Variants in ZNF254 observed in about 807,000 individuals in gnomAD.
ZNF254 encodes the protein CTD-2017D11.1.
Under a neutral mutation model 12.4 loss-of-function variants are expected in ZNF254, and 10 were observed. That is an observed-to-expected ratio of 0.80 (90% CI 0.50 to 1.36). The LOEUF (loss-of-function observed/expected upper bound fraction) is 1.36. Among genes scored for constraint, ZNF254 ranks in the 40% most tolerant of loss-of-function variants. The pLI is 0.00. For missense variants in ZNF254, 996 were observed against 763.9 expected, an observed-to-expected ratio of 1.30 and a Z score of -3.58; for synonymous variants, 305 against 253.4, an observed-to-expected ratio of 1.20 and a Z score of -1.93.
chr19:24,053,011 G>A (rs977155186), intron 2 of ZNF254, among the ~76,000 whole-genome samples: 1 of 152,142 alleles, frequency 6.6e-6, no homozygotes, highest in Non-Finnish European at 1.5e-5. Flanking sequence ...CAGCACACAG[G>A]GGAGGTTGCG....
chr19:24,094,094 G>A (rs1480497292), intron 1 of ZNF254, among the ~76,000 whole-genome samples: 2 of 151,998 alleles, frequency 1.3e-5, no homozygotes, highest in Admixed American at 6.6e-5. Context: ...TTACAGGGAC[G>A]CTACTAATTT....
In ZNF254 at chr19:24,037,686, C is replaced by T. The variant is rs939308303; in HGVS notation, c.-190+4065C>T. On this transcript the variant is annotated intron_variant, in intron 1 of 4. Coordinates refer to the ZNF254 transcript ENST00000613065. The stretch of plus-strand genomic sequence containing the variant: ...GTGCAGTGGTGTGATCTCGGCTCAC[C>T]GCAACCTCCACCTCCCAGGTTCAAG... Among the ~76,000 whole-genome samples the T allele has an allele frequency of 9.2e-5, 14 of 151,846 alleles. No individual in the cohort carries two copies. In the South Asian group the frequency reaches 1.0e-3, roughly 11 times the overall value.
At chr19:24,043,079 T>C (rs1041050315) in intron 1 of ZNF254, among the ~76,000 whole-genome samples, 10 of 152,188 alleles carry the variant, frequency 6.6e-5, no homozygotes, top group African/African-American at 1.9e-4. Context: ...ACTGTAGATA[T>C]CAGCTTTTGA....
chr19:24,106,223 T>C (rs989737413), intron 2 of ZNF254, 157 bp downstream of exon 2: 14 of 1,037,602 alleles, frequency 1.3e-5, no homozygotes, highest in Non-Finnish European at 1.7e-5. Context: ...TGTTTCATCT[T>C]GACCTGAACT....
At chr19:24,075,527 G>A (rs1216142018) in intron 2 of ZNF254, among the ~76,000 whole-genome samples, 1 of 152,176 alleles carries the variant, frequency 6.6e-6, no homozygotes, top group African/African-American at 2.4e-5. Context: ...TCGAAGGGGA[G>A]GGAGTGTACG....
intron 1 of ZNF254, among the ~76,000 whole-genome samples, chr19:24,092,312 A>G (rs898566040): frequency 6.6e-6 from 1 of 151,174 alleles, no homozygotes; most frequent in Non-Finnish European, 1.5e-5. Flanking sequence ...GATTACAGGC[A>G]CCCACCACCA....
chr19:24,117,613 T>C lies in ZNF254; in HGVS notation c.254-8641T>C, dbSNP rs113389308. Among the ~76,000 whole-genome samples the C allele has an allele frequency of 7.8e-4, 119 of 152,222 alleles. 2 individuals are homozygous for C. Among genetic ancestry groups the C allele is most frequent in the Non-Finnish European group, 1.6e-3 (110 of 67,990 alleles). ...GCCGTCTGTCACCCCTTTCTTTGAC[T>C]AGGAAAGGGAACTCCCTGACCCCTT... is the stretch of plus-strand genomic sequence containing the variant. On this transcript the variant is annotated intron_variant, in intron 3 of 3. Transcript: ENST00000357002.
At chr19:24,059,507 C>A (rs1451023602) in intron 2 of ZNF254, among the ~76,000 whole-genome samples, 1 of 152,158 alleles carries the variant, frequency 6.6e-6, no homozygotes, top group Non-Finnish European at 1.5e-5. Flanking sequence ...AGACTGAGAA[C>A]TTAGGTGATG....
chr19:24,125,671 C>T (rs982366711), intron 3 of ZNF254, among the ~76,000 whole-genome samples: 11 of 152,236 alleles, frequency 7.2e-5, no homozygotes, highest in South Asian at 2.1e-4. Context: ...AGAGATTACT[C>T]GTTAATTTGT....
chr19:24,047,596 CTTT>C (rs386388790), intron 2 of ZNF254, among the ~76,000 whole-genome samples: 17,785 of 107,584 alleles, frequency 0.17, 1,236 homozygotes, highest in Middle Eastern at 0.23. Flanking sequence ...TTCATTCTTC[CTTT>C]TTTTTTTTTT....
chr19:24,087,150 G>A, upstream of ZNF254: 1 of 887,276 alleles, frequency 1.1e-6, no homozygotes, highest in Non-Finnish European at 1.8e-6. Context: ...CAGGCACACA[G>A]CTGGACTGGA....
At chr19:24,050,693 C>G (rs768543154) in intron 2 of ZNF254, among the ~76,000 whole-genome samples, 21 of 152,220 alleles carry the variant, frequency 1.4e-4, no homozygotes, top group Non-Finnish European at 2.8e-4. Context: ...CTCCCTGGGA[C>G]CTGTCCACAG....
rs556197251 is a variant in ZNF254 at position 24,128,681 on chromosome 19, A to C, written c.*701A>C. 5.1e-4 allele frequency: 78 copies of C among 152,230 alleles called. No homozygotes were observed. Among genetic ancestry groups the C allele is most frequent in the African/African-American group, 1.9e-3 (77 of 41,592 alleles). 9.4% of individuals were successfully genotyped at this position (152,230 alleles called of 1,614,324 possible). A position where few individuals can be genotyped will look rare whatever the true frequency, so the allele number is the denominator to read the frequency against. On this transcript the variant is annotated 3_prime_UTR_variant, in exon 4 of 4. Transcript: ENST00000357002. Reference sequence around the variant, plus strand: ...AAATATATTTTTGCAGATACATTAAATATGAAAGATATTCAATCCAAAATT... The same window carrying C: ...AAATATATTTTTGCAGATACATTAACTATGAAAGATATTCAATCCAAAATT...
At chr19:24,078,349 C>G (rs1224054228) in intron 2 of ZNF254, 1 of 152,162 alleles carries the variant, frequency 6.6e-6, no homozygotes, top group Non-Finnish European at 1.5e-5. Context: ...TTCTGACTAG[C>G]AGTCTCACCC....
intron 1 of ZNF254, among the ~76,000 whole-genome samples, chr19:24,093,014 T>C (rs1252489171): frequency 6.6e-6 from 1 of 152,210 alleles, no homozygotes; most frequent in African/African-American, 2.4e-5. Flanking sequence ...CATGAGATTG[T>C]ATCTCGTGGT....
intron 2 of ZNF254, among the ~76,000 whole-genome samples, chr19:24,048,374 C>G (rs1231689903): frequency 6.6e-6 from 1 of 152,256 alleles, no homozygotes; most frequent in East Asian, 1.9e-4. Context: ...GCTTCTGCCT[C>G]CGCCATGAGC....
chr19:24,090,638 T>C (rs1243588865), intron 1 of ZNF254, among the ~76,000 whole-genome samples: 1 of 152,098 alleles, frequency 6.6e-6, no homozygotes, highest in African/African-American at 2.4e-5. Context: ...AGTTTCACCA[T>C]GTTAGCTAGG....
intron 1 of ZNF254, among the ~76,000 whole-genome samples, chr19:24,099,999 A>T (rs1198231749): frequency 6.6e-6 from 1 of 152,214 alleles, no homozygotes; most frequent in Non-Finnish European, 1.5e-5. Flanking sequence ...TCTTCCAGTC[A>T]ACTCACAATT....
intron 1 of ZNF254, among the ~76,000 whole-genome samples, chr19:24,039,693 T>G: frequency 6.6e-6 from 1 of 152,214 alleles, no homozygotes; most frequent in Non-Finnish European, 1.5e-5. Flanking sequence ...AGTCATGGAC[T>G]CTACTATTCA....
Sources: allele counts gnomAD v4.1 joint callset (sites outside exome capture counted in the v4.1 genomes callset), GRCh38; gene constraint gnomAD v4.1.1; transcripts MANE v1.5; gene names NCBI Gene and HGNC (gene_info 2026-07-23, HGNC 2026-07-21).